Variants in SYNE1 observed in about 807,000 individuals in gnomAD.
SYNE1 encodes spectrin repeat containing nuclear envelope protein 1, also known as nesprin-1.
Under a neutral mutation model 1,111.0 loss-of-function variants are expected in SYNE1, and 616 were observed. The ratio of observed to expected loss-of-function variants is 0.55; its 90% CI spans 0.52 to 0.59. The LOEUF is 0.59. Ranked by LOEUF, SYNE1 falls within the 20% of genes least tolerant of loss-of-function variation. SYNE1 has a pLI of 0.00. For synonymous variants in SYNE1, 3,855 were observed against 3,825.8 expected (o/e 1.01, Z -0.28); for missense variants, 10,006 against 10,417.0 (o/e 0.96, Z 1.72).
chr6:152,184,391 C>T (rs1024474897), intron 128 of SYNE1, among the ~76,000 whole-genome samples: 4 of 148,178 alleles, frequency 2.7e-5, no homozygotes, highest in African/African-American at 7.5e-5. Context: ...GAGCCAAGAT[C>T]GCACCACTGC....
rs186842649 is a variant in SYNE1, at chr6:152,221,791, T to C, written c.21523-232A>G. 1.0e-3 allele frequency among the ~76,000 whole-genome samples: 157 copies of C among 152,366 alleles called. 3 individuals carry two copies. Among genetic ancestry groups the C allele is most frequent in the Middle Eastern group, 6.8e-3 (2 of 294 alleles). On this transcript the variant is annotated intron_variant, in intron 117 of 145. Coordinates refer to ENST00000367255, the MANE Select transcript of SYNE1 (RefSeq NM_182961.4). ...TTCTGAGCAATGAAGCCTTCTTCTA[T>C]TGGCATTTGCATTCTGCTGAAAAAC...
At position 152,451,969 on chromosome 6, in the gene SYNE1, C is replaced by T. The variant is rs192319471; in HGVS notation, c.3028-764G>A. On this transcript the variant is annotated intron_variant, in intron 25 of 145. Transcript: ENST00000367255. ...TTATACCCACTTCAAAAAGAAAGAACATGAGGAAAGCTTATTACTGAAAAA... is the reference window on the plus strand; with the variant it reads ...TTATACCCACTTCAAAAAGAAAGAATATGAGGAAAGCTTATTACTGAAAAA... 4.9e-4 allele frequency among the ~76,000 whole-genome samples: 72 copies of T among 147,240 alleles called. 1 individual carries two copies. The East Asian group carries it at 0.013, about 26-fold the overall frequency.
intron 21 of SYNE1, among the ~76,000 whole-genome samples, chr6:152,460,002 C>G (rs2098721780): frequency 6.6e-6 from 1 of 152,156 alleles, no homozygotes; most frequent in African/African-American, 2.4e-5. Flanking sequence ...TTACCTTGAA[C>G]AAAACCAAGA....
At chr6:152,578,678 C>T (rs1428888338) in intron 3 of SYNE1, among the ~76,000 whole-genome samples, 1 of 152,132 alleles carries the variant, frequency 6.6e-6, no homozygotes. Context: ...TCAAGATTCC[C>T]TTTGAAATTT....
rs184014243 is a variant in SYNE1, at chr6:152,327,118, C to G, written c.14956-485G>C. On this transcript the variant is annotated intron_variant, in intron 78 of 145. Coordinates refer to ENST00000367255, the MANE Select transcript of SYNE1 (RefSeq NM_182961.4). ...GACCAGCCTGGCTAACATGGTGAAA[C>G]CGTGTCTCTACTAAAAATACGAAAA... Among the ~76,000 whole-genome samples, 159 of 152,172 alleles carry G rather than the reference C, an allele frequency of 1.0e-3. 1 individual carries two copies. Among genetic ancestry groups the G allele is most frequent in the African/African-American group, 2.8e-3 (117 of 41,526 alleles).
intron 62 of SYNE1, among the ~76,000 whole-genome samples, chr6:152,366,488 T>C (rs1351823249): frequency 6.6e-6 from 1 of 152,046 alleles, no homozygotes; most frequent in East Asian, 1.9e-4. Context: ...AAGGCAAGAC[T>C]CTGTCTTAAT....
intron 141 of SYNE1, among the ~76,000 whole-genome samples, chr6:152,135,629 C>T (rs987120136): frequency 6.6e-6 from 1 of 152,172 alleles, no homozygotes; most frequent in African/African-American, 2.4e-5. Flanking sequence ...TTCACTCATT[C>T]ATTCATCCAT....
chr6:152,536,379 T>TATATATAGTA (rs2099238723), intron 4 of SYNE1, among the ~76,000 whole-genome samples: 1 of 88,102 alleles, frequency 1.1e-5, no homozygotes, highest in African/African-American at 3.4e-5. Context: ...TATATAGTAA[T>TATATATAGTA]ATATATATAT....
intron 123 of SYNE1, among the ~76,000 whole-genome samples, chr6:152,212,672 T>C (rs2077745512): frequency 6.6e-6 from 1 of 152,162 alleles, no homozygotes; most frequent in African/African-American, 2.4e-5. Context: ...GGTTATATGA[T>C]TACTCTACGT....
chr6:152,249,351 T>TG, intron 104 of SYNE1, 89 bp from the exon 105 acceptor site: 1 of 814,506 alleles, frequency 1.2e-6, no homozygotes. Flanking sequence ...AGAAATAACA[T>TG]AGAGGCACAG....
intron 10 of SYNE1, among the ~76,000 whole-genome samples, chr6:152,502,277 A>G (rs1289387416): frequency 2.0e-5 from 3 of 152,228 alleles, no homozygotes; most frequent in Non-Finnish European, 4.4e-5. Context: ...GATCAGATCA[A>G]CCAGAGCGAG....
At chr6:152,286,638 T>C (rs914427869) in intron 95 of SYNE1, among the ~76,000 whole-genome samples, 1 of 152,226 alleles carries the variant, frequency 6.6e-6, no homozygotes, top group African/African-American at 2.4e-5. Flanking sequence ...TTGCCCATTT[T>C]CCACTAGAGT....
intron 142 of SYNE1, chr6:152,133,831 CACA>C: frequency 3.5e-6 from 1 of 282,370 alleles, no homozygotes; most frequent in South Asian, 4.3e-5. Flanking sequence ...AACAGAAAAG[CACA>C]ACATTAAATA....
rs12524187 is a variant in SYNE1, at chr6:152,463,685, G to A, written c.1933-168C>T. ...CATTTTTGATAAAAAGTTTCAAAATGTGAGCTAGAGATACTGTCTTTTTTT... is the reference window on the plus strand; with the variant it reads ...CATTTTTGATAAAAAGTTTCAAAATATGAGCTAGAGATACTGTCTTTTTTT... On this transcript the variant is annotated intron_variant, in intron 18 of 145. Coordinates refer to ENST00000367255, the MANE Select transcript of SYNE1 (RefSeq NM_182961.4). Among the ~76,000 whole-genome samples the A allele has an allele frequency of 3.0e-3, 454 of 152,274 alleles. 2 individuals are homozygous for A. Among genetic ancestry groups the A allele is most frequent in the African/African-American group, 9.0e-3 (375 of 41,570 alleles).
chr6:152,501,904 G>T (rs2099032039), intron 10 of SYNE1, among the ~76,000 whole-genome samples: 1 of 152,026 alleles, frequency 6.6e-6, no homozygotes, highest in Admixed American at 6.6e-5. Flanking sequence ...CATGGAAGAA[G>T]AAAATTATAA....
rs756712080 is a variant in SYNE1, at chr6:152,433,882, C to G, written c.4374G>C (p.Leu1458=). The G allele has an allele frequency of 4.3e-6, 7 of 1,613,824 alleles. No individual in the cohort carries two copies. Among genetic ancestry groups the G allele is most frequent in the Non-Finnish European group, 5.9e-6 (7 of 1,179,822 alleles). ...TTTCTTTCTCAGTTATCCAGACGGA[C>G]AGAGTCTCAAAATTACTGCCAAAAT... ...WDHFGSNFET[L]SVWITEKEKE... Residue 1458 remains leucine (L), a synonymous_variant, in exon 34 of 146, where the codon CTG becomes CTC. Transcript: ENST00000367255.
chr6:152,476,861 C>A (rs1449209184), intron 14 of SYNE1, among the ~76,000 whole-genome samples: 1 of 62,022 alleles, frequency 1.6e-5, no homozygotes, highest in African/African-American at 7.0e-5. Context: ...AGAGCCAGAC[C>A]CTATCTAAAA....
intron 55 of SYNE1, among the ~76,000 whole-genome samples, chr6:152,383,217 T>TA (rs1322249092): frequency 6.6e-6 from 1 of 152,238 alleles, no homozygotes; most frequent in Non-Finnish European, 1.5e-5. Flanking sequence ...TCCTTGTCTT[T>TA]ATGGAAGCAC....
intron 5 of SYNE1, among the ~76,000 whole-genome samples, chr6:152,525,203 G>A (rs2099158156): frequency 6.6e-6 from 1 of 152,070 alleles, no homozygotes; most frequent in Non-Finnish European, 1.5e-5. Flanking sequence ...AGGGCTCCCT[G>A]TACAAAATGA....
Sources: allele counts gnomAD v4.1 joint callset (sites outside exome capture counted in the v4.1 genomes callset), GRCh38; gene constraint gnomAD v4.1.1; transcripts MANE v1.5; gene names NCBI Gene and HGNC (gene_info 2026-07-23, HGNC 2026-07-21).